Variants in KIAA1217 observed in about 807,000 individuals in gnomAD.
KIAA1217 encodes the protein KIAA1217.
In KIAA1217, 88 loss-of-function variants were observed where a neutral mutation model predicts 163.9. The ratio of observed to expected loss-of-function variants is 0.54; its 90% CI spans 0.45 to 0.64. The LOEUF (loss-of-function observed/expected upper bound fraction) is 0.64. Among genes scored for constraint, KIAA1217 ranks in the 30% least tolerant of loss-of-function variants. KIAA1217 has a pLI of 0.00. For synonymous variants in KIAA1217, 903 were observed against 923.1 expected, an observed-to-expected ratio of 0.98 and a Z score of 0.39; for missense variants, 2,372 against 2,475.0, an observed-to-expected ratio of 0.96 and a Z score of 0.88.
intron 2 of KIAA1217, among the ~76,000 whole-genome samples, chr10:24,199,178 G>A (rs1268189051): frequency 6.6e-6 from 1 of 152,202 alleles, no homozygotes; most frequent in Non-Finnish European, 1.5e-5. Context: ...GCTGCAGTGA[G>A]CTGTGATTGC....
At chr10:24,434,549 C>A (rs1010563378) in intron 4 of KIAA1217, among the ~76,000 whole-genome samples, 3 of 152,210 alleles carry the variant, frequency 2.0e-5, no homozygotes, top group African/African-American at 7.2e-5. Flanking sequence ...GTTACCCAGG[C>A]TGGTCTGAAA....
Position 24,386,126 on chromosome 10 carries a change from A to G in KIAA1217, c.553+5059A>G, listed in dbSNP as rs190719072. On this transcript the variant is annotated intron_variant, in intron 3 of 20. Coordinates refer to ENST00000376454, the MANE Select transcript of KIAA1217 (RefSeq NM_019590.5). ...CCTTTGTTGACCATATTCTGAATGC[A>G]TAGCTTTAGAAAAGAGACCTCACTG... 1.2e-4 allele frequency among the ~76,000 whole-genome samples: 19 copies of G among 152,324 alleles called. 1 individual carries two copies. In the East Asian group the frequency reaches 3.1e-3, roughly 25 times the overall value.
chr10:24,333,384 A>C (rs552460221), intron 2 of KIAA1217, among the ~76,000 whole-genome samples: 1 of 152,160 alleles, frequency 6.6e-6, no homozygotes, highest in Non-Finnish European at 1.5e-5. Context: ...CTACATGCTG[A>C]GTTTATCTGG....
intron 2 of KIAA1217, among the ~76,000 whole-genome samples, chr10:24,043,654 A>AAAACTTTCTTTTCTGTTAG (rs1224980926): frequency 3.3e-5 from 5 of 152,168 alleles, no homozygotes. Flanking sequence ...GCATGAAAGA[A>AAAACTTTCTTTTCTGTTAG]AAACTTTCTT....
chr10:24,081,171 C>T (rs2061525691), intron 2 of KIAA1217, among the ~76,000 whole-genome samples: 1 of 152,136 alleles, frequency 6.6e-6, no homozygotes, highest in South Asian at 2.1e-4. Context: ...AACAAATAAG[C>T]CTGCAGTAGG....
intron 1 of KIAA1217, among the ~76,000 whole-genome samples, chr10:23,706,776 A>G (rs1836913483): frequency 6.6e-6 from 1 of 152,078 alleles, no homozygotes; most frequent in South Asian, 2.1e-4. Context: ...TCTATTTTTC[A>G]TTCTTAACAC....
intron 2 of KIAA1217, among the ~76,000 whole-genome samples, chr10:24,140,464 C>T (rs1172605918): frequency 6.6e-6 from 1 of 151,914 alleles, no homozygotes; most frequent in African/African-American, 2.4e-5. Context: ...GTAAAATAAG[C>T]TTGAACCCAA....
chr10:23,837,876 G>A (rs1161462565), intron 1 of KIAA1217, among the ~76,000 whole-genome samples: 4 of 151,856 alleles, frequency 2.6e-5, no homozygotes, highest in South Asian at 4.2e-4. Flanking sequence ...TAACCACTTC[G>A]TCATACTGGC....
At chr10:23,801,092 C>T (rs1588847435) in intron 1 of KIAA1217, among the ~76,000 whole-genome samples, 1 of 152,108 alleles carries the variant, frequency 6.6e-6, no homozygotes, top group South Asian at 2.1e-4. Context: ...CCATCAATGA[C>T]AGACTGGATA....
At chr10:24,378,095 C>T (rs921309084) in intron 2 of KIAA1217, among the ~76,000 whole-genome samples, 2 of 151,954 alleles carry the variant, frequency 1.3e-5, no homozygotes, top group Non-Finnish European at 1.5e-5. Flanking sequence ...GCACTTTTTT[C>T]TGTTTCACTT....
At chr10:24,247,758 G>A (rs1336718619) in intron 2 of KIAA1217, among the ~76,000 whole-genome samples, 2 of 152,102 alleles carry the variant, frequency 1.3e-5, no homozygotes, top group Admixed American at 6.5e-5. Context: ...CTGAGATTGC[G>A]CCACTGCCCT....
chr10:24,374,077 G>C (rs2052099431), intron 2 of KIAA1217, among the ~76,000 whole-genome samples: 1 of 152,222 alleles, frequency 6.6e-6, no homozygotes, highest in Admixed American at 6.5e-5. Flanking sequence ...AGGGAGAAAA[G>C]TGTTGAAATA....
chr10:23,862,746 G>A (rs536012917), intron 1 of KIAA1217, among the ~76,000 whole-genome samples: 5 of 152,146 alleles, frequency 3.3e-5, no homozygotes, highest in South Asian at 2.1e-4. Flanking sequence ...AGAGGATCTT[G>A]TAGGCCAAGG....
At chr10:24,363,574 T>G (rs1440409370) in intron 2 of KIAA1217, among the ~76,000 whole-genome samples, 3 of 145,124 alleles carry the variant, frequency 2.1e-5, no homozygotes, top group Non-Finnish European at 3.1e-5. Flanking sequence ...TTTGTTTTTT[T>G]TTTTTTTTGA....
chr10:23,734,826 G>A (rs915911005), intron 1 of KIAA1217, among the ~76,000 whole-genome samples: 1 of 144,350 alleles, frequency 6.9e-6, no homozygotes, highest in Non-Finnish European at 1.5e-5. Context: ...TTTATTTTAA[G>A]TTCAGGGGCA....
chr10:23,711,175 A>G (rs748637193), intron 1 of KIAA1217, among the ~76,000 whole-genome samples: 1 of 152,172 alleles, frequency 6.6e-6, no homozygotes, highest in Admixed American at 6.5e-5. Context: ...GAAAGAAGAC[A>G]TTATAGGTGG....
intron 2 of KIAA1217, among the ~76,000 whole-genome samples, chr10:24,014,199 A>G (rs1564611200): frequency 6.6e-6 from 1 of 152,130 alleles, no homozygotes; most frequent in Non-Finnish European, 1.5e-5. Flanking sequence ...GATAAATAGT[A>G]TCTGTAGAAA....
chr10:24,318,719 G>A (rs7098629), intron 2 of KIAA1217, among the ~76,000 whole-genome samples: 8 of 152,136 alleles, frequency 5.3e-5, no homozygotes, highest in African/African-American at 9.6e-5. Context: ...TTCCTATTCC[G>A]CTTTGATTTT....
At chr10:23,942,162 A>T (rs1843802355) in intron 1 of KIAA1217, among the ~76,000 whole-genome samples, 1 of 152,238 alleles carries the variant, frequency 6.6e-6, no homozygotes, top group Non-Finnish European at 1.5e-5. Flanking sequence ...TCAAGATACT[A>T]GACATGTGAA....
Sources: allele counts gnomAD v4.1 joint callset (sites outside exome capture counted in the v4.1 genomes callset), GRCh38; gene constraint gnomAD v4.1.1; transcripts MANE v1.5; gene names NCBI Gene and HGNC (gene_info 2026-07-23, HGNC 2026-07-21).